KCNJ15: variants seen among roughly 807,000 people sequenced by gnomAD.
KCNJ15 encodes the protein potassium inwardly rectifying channel subfamily J member 15, also known as ATP-sensitive inward rectifier potassium channel 15.
KCNJ15 carries 14 observed loss-of-function variants against 23.0 expected under a neutral mutation model. The ratio of observed to expected loss-of-function variants is 0.61; its 90% CI spans 0.40 to 0.95. The LOEUF (loss-of-function observed/expected upper bound fraction) is 0.95, where lower values mean the gene tolerates loss of function less well. KCNJ15 is among the 40% of genes least tolerant of loss of function. The pLI, the probability that KCNJ15 is intolerant of heterozygous loss-of-function variation, is 0.00. For missense variants in KCNJ15, 388 were observed against 461.8 expected (o/e 0.84, Z 1.46); for synonymous variants, 185 against 183.2 (o/e 1.01, Z -0.08).
chr21:38,255,349 C>T (rs539526242), upstream of KCNJ15, among the ~76,000 whole-genome samples: 11 of 152,300 alleles, frequency 7.2e-5, no homozygotes, highest in South Asian at 4.1e-4. Context: ...CCTCTTTCAT[C>T]GTTCTGCACC....
At position 38,247,085 on chromosome 21, in the gene KCNJ15, GATGGATGGATGGATGC is replaced by G. The variant is rs1213447903; in HGVS notation, c.-398-9945_-398-9930del. 4.3e-3 allele frequency among the ~76,000 whole-genome samples: 298 copies of G among 69,172 alleles called. 2 individuals carry two copies. In the East Asian group the frequency reaches 0.052, roughly 12 times the overall value. 45.4% of individuals were successfully genotyped at this position (69,172 alleles called of 152,430 possible). Reference sequence around the variant, plus strand: ...GGATGGATGGATGGATGGATGGATGGATGGATGGATGGATGCATGGATGGATGGATGGATGGATGGA... The same window carrying G: ...GGATGGATGGATGGATGGATGGATGGATGGATGGATGGATGGATGGATGGA... On this transcript the variant is annotated intron_variant, in intron 1 of 4. Coordinates refer to the KCNJ15 transcript ENST00000547341.
chr21:38,299,536 A>G lies in KCNJ15; in HGVS notation c.275A>G (p.His92Arg). The change falls in exon 3 of 3, where the codon CAT (histidine) becomes CGT (arginine). Residue 92 changes from histidine to arginine, a missense_variant. His to Arg is a conservative substitution (Grantham distance 29, BLOSUM62 0). Coordinates refer to ENST00000398938, the MANE Select transcript of KCNJ15 (RefSeq NM_170736.3). The surrounding 1 kb of genome is among the most constrained non-coding windows in gnomAD (Gnocchi z 4.5). The stretch of plus-strand genomic sequence containing the variant: ...ATCTACTATGCCATCGCGTTTATTC[A>G]TGGGGACTTAGAACCCGGTGAGCCC... The part of the protein sequence containing the change: ...GVIYYAIAFI[H>R]GDLEPGEPIS... 1.2e-6 allele frequency: 2 copies of G among 1,614,124 alleles called. No homozygotes were observed.
At chr21:38,278,830 G>A (rs78989563) in intron 1 of KCNJ15, among the ~76,000 whole-genome samples, 2,494 of 152,260 alleles carry the variant, frequency 0.016, 82 homozygotes, top group African/African-American at 0.058. Flanking sequence ...ACTAAGGCAG[G>A]TGGGGCCAGT....
At chr21:38,266,472 T>A (rs551358407) in intron 1 of KCNJ15, among the ~76,000 whole-genome samples, 1 of 152,166 alleles carries the variant, frequency 6.6e-6, no homozygotes, top group Admixed American at 6.5e-5. Flanking sequence ...ATGAACTTAT[T>A]TTTTTTATGG....
intron 1 of KCNJ15, among the ~76,000 whole-genome samples, chr21:38,290,692 C>A (rs759722879): frequency 6.6e-6 from 1 of 152,088 alleles, no homozygotes; most frequent in East Asian, 1.9e-4. Flanking sequence ...GCATTTCTGA[C>A]GATGGAGATG....
At chr21:38,267,385 G>A (rs1019105470) in intron 1 of KCNJ15, 1 of 152,176 alleles carries the variant, frequency 6.6e-6, no homozygotes, top group Non-Finnish European at 1.5e-5. Context: ...TAGGCAGTAG[G>A]GTAACTCAGA....
intron 1 of KCNJ15, among the ~76,000 whole-genome samples, chr21:38,265,521 A>G (rs1038138038): frequency 3.3e-5 from 5 of 152,236 alleles, no homozygotes; most frequent in African/African-American, 9.6e-5. Context: ...GTAGAAATGT[A>G]TATTTGATGG....
chr21:38,242,259 T>G (rs2123556660), intron 1 of KCNJ15, among the ~76,000 whole-genome samples: 1 of 152,266 alleles, frequency 6.6e-6, no homozygotes, highest in South Asian at 2.1e-4. Flanking sequence ...GAACCAGCAA[T>G]ATGGTAGTTA....
In KCNJ15 at chr21:38,266,963, G is replaced by A. The variant is rs1381286869; in HGVS notation, c.-117+9778G>A. On this transcript the variant is annotated intron_variant, in intron 1 of 2. Transcript: ENST00000398938. The stretch of plus-strand genomic sequence containing the variant: ...GTCATTGAATATTTTGGTTTTCTGG[G>A]TCCTGAGCTGCACTTTAGAAATACC... Among the ~76,000 whole-genome samples, 3 of 152,172 alleles carry A rather than the reference G, an allele frequency of 2.0e-5. No homozygotes were observed. In the East Asian group the frequency reaches 5.8e-4, roughly 29 times the overall value.
chr21:38,246,056 A>G (rs1979354129), intron 1 of KCNJ15, among the ~76,000 whole-genome samples: 1 of 152,224 alleles, frequency 6.6e-6, no homozygotes, highest in Non-Finnish European at 1.5e-5. Flanking sequence ...TGTCTTACAT[A>G]CTCTGATTTG....
intron 1 of KCNJ15, among the ~76,000 whole-genome samples, chr21:38,288,030 G>GT (rs71184612): frequency 0.072 from 5,807 of 81,168 alleles, 1,136 homozygotes; most frequent in Middle Eastern, 0.11. Context: ...TTTTTTCTTT[G>GT]TTTTTTTTTT....
At chr21:38,264,899 A>G (rs1568995145) in intron 1 of KCNJ15, among the ~76,000 whole-genome samples, 2 of 152,248 alleles carry the variant, frequency 1.3e-5, no homozygotes, top group Non-Finnish European at 2.9e-5. Context: ...GGAAAGAAGA[A>G]AATGAAGACA....
At chr21:38,238,155 C>T (rs949142971) in intron 1 of KCNJ15, 1 of 400,658 alleles carries the variant, frequency 2.5e-6, no homozygotes, top group Non-Finnish European at 4.8e-6. Context: ...TTCTACACGG[C>T]CCTGCAGGAC....
In KCNJ15 at chr21:38,301,655, T is replaced by C. The variant is rs556827474; in HGVS notation, c.*1266T>C. 1.2e-5 allele frequency: 2 copies of C among 167,178 alleles called. No homozygotes were observed. The highest frequency in any genetic ancestry group is 6.5e-5 in the Admixed American group (1 of 15,304). 10.4% of individuals were successfully genotyped at this position (167,178 alleles called of 1,614,324 possible). ...GAAACTCATAAACAAGATGACTCTTTGATGCATGAACAAGATTTGAAAATC... is the reference window on the plus strand; with the variant it reads ...GAAACTCATAAACAAGATGACTCTTCGATGCATGAACAAGATTTGAAAATC... On this transcript the variant is annotated 3_prime_UTR_variant, in exon 3 of 3. Coordinates refer to ENST00000398938, the MANE Select transcript of KCNJ15 (RefSeq NM_170736.3).
chr21:38,238,174 T>G, intron 1 of KCNJ15: 1 of 417,436 alleles, frequency 2.4e-6, no homozygotes, highest in Non-Finnish European at 4.5e-6. Context: ...ACCTGAGTCT[T>G]TAGTCAGTTG....
At chr21:38,289,827 G>C in intron 1 of KCNJ15, among the ~76,000 whole-genome samples, 1 of 152,182 alleles carries the variant, frequency 6.6e-6, no homozygotes, top group Non-Finnish European at 1.5e-5. Flanking sequence ...CCAGACATCA[G>C]TGTTCCTGTT....
rs1265974688 is a variant in KCNJ15, at chr21:38,299,582, C to A, written c.321C>A (p.Cys107Ter). The change falls in exon 3 of 3, where the codon TGC becomes TGA. Residue 107 changes from cysteine to a stop codon, truncating the protein, a stop_gained. Transcript: ENST00000398938. LOFTEE classifies it high-confidence loss of function. The surrounding 1 kb of genome is among the most constrained non-coding windows in gnomAD (Gnocchi z 4.5). ...AGCCCATTTCAAATCATACCCCCTG[C>A]ATCATGAAAGTGGACTCTCTCACTG... is the stretch of plus-strand genomic sequence containing the variant. ...PGEPISNHTPCIMKVDSLTGA... is the reference protein window; with the variant it reads ...PGEPISNHTP The A allele has an allele frequency of 6.2e-7, 1 of 1,614,164 alleles. No individual in the cohort carries two copies.
intron 1 of KCNJ15, among the ~76,000 whole-genome samples, chr21:38,275,155 A>G (rs1836119903): frequency 6.6e-6 from 1 of 152,210 alleles, no homozygotes; most frequent in African/African-American, 2.4e-5. Flanking sequence ...CTGGTGGCAA[A>G]CCAACGTGGT....
intron 1 of KCNJ15, among the ~76,000 whole-genome samples, chr21:38,280,116 G>A (rs1381085770): frequency 6.6e-6 from 1 of 152,148 alleles, no homozygotes; most frequent in African/African-American, 2.4e-5. Context: ...CTGAGTCCTG[G>A]TGGGCCACAT....
Sources: allele counts gnomAD v4.1 joint callset (sites outside exome capture counted in the v4.1 genomes callset), GRCh38; gene constraint gnomAD v4.1.1; non-coding constraint Gnocchi (gnomAD v3.1); transcripts MANE v1.5; gene names NCBI Gene and HGNC (gene_info 2026-07-23, HGNC 2026-07-21).